NAA35: variants seen among roughly 807,000 people sequenced by gnomAD.
NAA35 encodes the protein N-alpha-acetyltransferase 35, NatC auxiliary subunit, also known as MAK10 homolog, amino-acid N-acetyltransferase subunit.
In NAA35, 18 loss-of-function variants were observed where a neutral mutation model predicts 101.7. That is an observed-to-expected ratio of 0.18 (90% confidence interval 0.12 to 0.26). The LOEUF (loss-of-function observed/expected upper bound fraction) is 0.26. Ranked by LOEUF, NAA35 falls within the 10% of genes least tolerant of loss-of-function variation. The pLI, the probability that NAA35 is intolerant of heterozygous loss-of-function variation, is 1.00. For missense variants in NAA35, 601 were observed against 886.8 expected (o/e 0.68, Z 4.09); for synonymous variants, 267 against 273.1 (o/e 0.98, Z 0.22).
intron 11 of NAA35, among the ~76,000 whole-genome samples, chr9:85,993,821 A>T (rs1420532333): frequency 6.6e-6 from 1 of 151,850 alleles, no homozygotes; most frequent in African/African-American, 2.4e-5. Flanking sequence ...AACCCTTTGC[A>T]TCTATTAGAT....
chr9:85,991,521 A>G (rs911955462), intron 11 of NAA35, among the ~76,000 whole-genome samples: 1 of 152,130 alleles, frequency 6.6e-6, no homozygotes. Context: ...GCAGGAAGAG[A>G]AAAGTAGAAA....
chr9:85,941,182 G>C lies in NAA35; in HGVS notation c.-97G>C, dbSNP rs1828493841. The C allele has an allele frequency of 2.0e-6, 2 of 986,784 alleles. No homozygotes were observed. Among genetic ancestry groups the C allele is most frequent in the South Asian group, 9.2e-5 (2 of 21,646 alleles). The allele number at this position is 986,784 out of a possible 1,614,324, so 61.1% of individuals were successfully genotyped here. On this transcript the variant is annotated 5_prime_UTR_variant, in exon 1 of 23. Coordinates refer to ENST00000361671, the MANE Select transcript of NAA35 (RefSeq NM_024635.4). ...TGCACGCTGCCGGTCGGGCTGGGCTGAGAGGGGAGGGGGCGGCGGCGGCCG... is the reference window on the plus strand; with the variant it reads ...TGCACGCTGCCGGTCGGGCTGGGCTCAGAGGGGAGGGGGCGGCGGCGGCCG...
intron 11 of NAA35, among the ~76,000 whole-genome samples, chr9:85,985,267 C>T (rs1830600140): frequency 6.6e-6 from 1 of 152,074 alleles, no homozygotes; most frequent in Admixed American, 6.6e-5. Flanking sequence ...ATAGAATTAT[C>T]CAAGGGAAAT....
At chr9:85,998,865 C>T (rs768984401) in intron 12 of NAA35, among the ~76,000 whole-genome samples, 2 of 152,192 alleles carry the variant, frequency 1.3e-5, no homozygotes, top group Non-Finnish European at 1.5e-5. Flanking sequence ...TCTGTGAAAT[C>T]TTCCCCTTTG....
rs199958204 is a variant in NAA35 at position 86,018,687 on chromosome 9, C to G, written c.1915-12C>G. 79 of 1,606,480 alleles carry G rather than the reference C, an allele frequency of 4.9e-5. No homozygotes were observed. Among genetic ancestry groups the G allele is most frequent in the Non-Finnish European group, 6.4e-5 (75 of 1,178,008 alleles). On this transcript the variant is annotated splice_polypyrimidine_tract_variant and intron_variant, in intron 20 of 22. Transcript: ENST00000361671. ...TAAACGTGTTTTGAATTATACTTCC[C>G]CTTCTTTTTAGGAAATGTCTGACCT...
chr9:85,961,968 A>T (rs375287940), intron 5 of NAA35, 45 bp from the exon 6 acceptor site: 47 of 1,489,682 alleles, frequency 3.2e-5, no homozygotes, highest in Non-Finnish European at 4.2e-5. Context: ...GACTTTGCAG[A>T]CTCAGTTTAT....
rs1423263020 is a variant in NAA35, at chr9:86,022,177, A to G, written c.*217A>G. 4 of 420,266 alleles carry G rather than the reference A, an allele frequency of 9.5e-6. No individual in the cohort carries two copies. Among genetic ancestry groups the G allele is most frequent in the South Asian group, 1.1e-4 (2 of 18,160 alleles). 26.0% of individuals were successfully genotyped at this position (420,266 alleles called of 1,614,324 possible). On this transcript the variant is annotated 3_prime_UTR_variant, in exon 23 of 23. Coordinates refer to ENST00000361671, the MANE Select transcript of NAA35 (RefSeq NM_024635.4). ...ATGTTCCATGGAAGAAACTGGTCTT[A>G]TTGAATGCATTGATGAACGTTATAT...
intron 12 of NAA35, among the ~76,000 whole-genome samples, chr9:86,002,549 A>G (rs1039830577): frequency 1.3e-5 from 2 of 151,806 alleles, no homozygotes; most frequent in African/African-American, 2.4e-5. Context: ...GGTTTTTTTC[A>G]TTCCTTTTTC....
chr9:85,956,342 T>C lies in NAA35; in HGVS notation c.125-18T>C. Reference sequence around the variant, plus strand: ...AAATATAAATATGTTCAAAGGGTTTTTCTCTTTTTTTTTTTAGAATTAAAG... The same window carrying C: ...AAATATAAATATGTTCAAAGGGTTTCTCTCTTTTTTTTTTTAGAATTAAAG... On this transcript the variant is annotated intron_variant, in intron 2 of 22. Transcript: ENST00000361671. 1 of 1,355,798 alleles carries C rather than the reference T, an allele frequency of 7.4e-7. No homozygotes were observed. Among genetic ancestry groups the C allele is most frequent in the Non-Finnish European group, 1.0e-6 (1 of 988,580 alleles). 84.0% of individuals were successfully genotyped at this position (1,355,798 alleles called of 1,614,324 possible).
chr9:85,993,137 A>G (rs1375355393), intron 11 of NAA35, among the ~76,000 whole-genome samples: 1 of 152,204 alleles, frequency 6.6e-6, no homozygotes, highest in Non-Finnish European at 1.5e-5. Context: ...AAATGAGTAC[A>G]AATTGTCTGA....
intron 11 of NAA35, among the ~76,000 whole-genome samples, chr9:85,993,086 A>G (rs1353876253): frequency 2.6e-5 from 4 of 152,252 alleles, no homozygotes; most frequent in Non-Finnish European, 5.9e-5. Context: ...CATAATGGAT[A>G]AATCTTGGAA....
At chr9:85,968,244 C>T (rs528017585) in intron 6 of NAA35, among the ~76,000 whole-genome samples, 2 of 151,916 alleles carry the variant, frequency 1.3e-5, no homozygotes, top group Non-Finnish European at 2.9e-5. Context: ...AAATAGGTAT[C>T]CTGTCACCCA....
At chr9:86,002,063 G>A (rs780760097) in intron 12 of NAA35, among the ~76,000 whole-genome samples, 4 of 152,064 alleles carry the variant, frequency 2.6e-5, no homozygotes, top group Non-Finnish European at 5.9e-5. Context: ...TAGGACTGGT[G>A]GTAATGAAGT....
intron 6 of NAA35, among the ~76,000 whole-genome samples, chr9:85,972,325 G>T (rs1159549601): frequency 1.3e-5 from 2 of 151,780 alleles, no homozygotes; most frequent in Non-Finnish European, 2.9e-5. Flanking sequence ...GGACAACATG[G>T]CGAGATCTCA....
chr9:85,968,403 G>A (rs903795119), intron 6 of NAA35, among the ~76,000 whole-genome samples: 2 of 152,062 alleles, frequency 1.3e-5, no homozygotes, highest in Admixed American at 6.6e-5. Flanking sequence ...GTAGAGATGG[G>A]GTTTCACTGT....
rs1248631325 is a variant in NAA35 at position 86,021,889 on chromosome 9, T to TA, written c.2119-12_2119-11insA. On this transcript the variant is annotated splice_polypyrimidine_tract_variant and intron_variant, in intron 22 of 22. Coordinates refer to ENST00000361671, the MANE Select transcript of NAA35 (RefSeq NM_024635.4). ...GTAGATACATTAATTGAGTTTCGTTTTTCTTTAACAGGTTCCTCCTGAATT... is the reference window on the plus strand; with the variant it reads ...GTAGATACATTAATTGAGTTTCGTTTATTCTTTAACAGGTTCCTCCTGAATT... The TA allele has an allele frequency of 6.2e-7, 1 of 1,608,884 alleles. No homozygotes were observed. The highest frequency in any genetic ancestry group is 1.3e-5 in the African/African-American group (1 of 74,832).
intron 11 of NAA35, among the ~76,000 whole-genome samples, chr9:85,992,173 CA>C (rs60842873): frequency 2.2e-5 from 3 of 137,644 alleles, no homozygotes; most frequent in African/African-American, 2.8e-5. Flanking sequence ...GACTCCGTCT[CA>C]AAAAAAAAAA....
chr9:86,006,064 G>A (rs551269345), intron 13 of NAA35, among the ~76,000 whole-genome samples: 3 of 152,034 alleles, frequency 2.0e-5, no homozygotes, highest in South Asian at 2.1e-4. Context: ...CCAGCTACTC[G>A]GGAGGCTGAG....
chr9:86,001,506 A>G (rs1023392527), intron 12 of NAA35, among the ~76,000 whole-genome samples: 2 of 151,948 alleles, frequency 1.3e-5, no homozygotes, highest in Non-Finnish European at 2.9e-5. Flanking sequence ...CACTGTTGTT[A>G]TGTGGGAGTC....
Sources: gnomAD v4.1 joint callset for allele counts (sites outside exome capture counted in the v4.1 genomes callset) on GRCh38, gnomAD v4.1.1 for gene constraint, MANE v1.5 for transcripts, NCBI Gene and HGNC (gene_info 2026-07-23, HGNC 2026-07-21) for gene names.